Variants in RANBP2 observed in about 807,000 individuals in gnomAD.
The protein encoded by RANBP2 is RAN binding protein 2.
In RANBP2, 57 loss-of-function variants were observed where a neutral mutation model predicts 303.6. That is an observed-to-expected ratio of 0.19 (90% CI 0.15 to 0.23). The LOEUF is 0.23. Ranked by LOEUF, RANBP2 falls within the 10% of genes least tolerant of loss-of-function variation. RANBP2 has a pLI of 1.00. For missense variants in RANBP2, 3,138 were observed against 3,780.8 expected (o/e 0.83, Z 4.46); for synonymous variants, 1,167 against 1,301.5 (o/e 0.90, Z 2.23).
the RANBP2 span, among the ~76,000 whole-genome samples, chr2:109,107,918 T>A: frequency 5.4e-5 from 8 of 149,298 alleles, no homozygotes; most frequent in Non-Finnish European, 1.0e-4. Flanking sequence ...GTATATATAT[T>A]TTTTTGAGAT....
the RANBP2 span, among the ~76,000 whole-genome samples, chr2:109,110,090 A>G: frequency 1.3e-5 from 2 of 152,160 alleles, no homozygotes; most frequent in Non-Finnish European, 2.9e-5. Flanking sequence ...CTTGCTTGAG[A>G]CAAAACGCTG....
the RANBP2 span, among the ~76,000 whole-genome samples, chr2:109,267,232 A>G: frequency 6.6e-6 from 1 of 152,112 alleles, no homozygotes. Flanking sequence ...CTGAATAGGA[A>G]GTGCATGTAA....
At chr2:108,977,485 T>A in the RANBP2 span, among the ~76,000 whole-genome samples, 1 of 152,172 alleles carries the variant, frequency 6.6e-6, no homozygotes, top group Non-Finnish European at 1.5e-5. Context: ...TTCGCCAGGA[T>A]GGTCTCGATC....
chr2:109,191,395 TAC>T, the RANBP2 span, among the ~76,000 whole-genome samples: 3 of 152,198 alleles, frequency 2.0e-5, no homozygotes, highest in Admixed American at 6.5e-5. Flanking sequence ...GTCTCTTGCA[TAC>T]CTACTGTGAA....
At chr2:108,994,852 CAG>C in the RANBP2 span, among the ~76,000 whole-genome samples, 1 of 114,280 alleles carries the variant, frequency 8.8e-6, no homozygotes, top group Admixed American at 1.1e-4. Context: ...TTTTTTGAGA[CAG>C]AGTCTCGCTC....
At chr2:108,751,808 A>G in intron 11 of RANBP2, 63 bp from the exon 12 acceptor site, 3 of 1,611,988 alleles carry the variant, frequency 1.9e-6, no homozygotes, top group African/African-American at 1.3e-5. Flanking sequence ...ATTAACATAT[A>G]TGTATGTAAG....
the RANBP2 span, among the ~76,000 whole-genome samples, chr2:109,386,427 A>C: frequency 6.6e-6 from 1 of 152,164 alleles, no homozygotes; most frequent in Admixed American, 6.5e-5. Context: ...AAAAAAAAAA[A>C]AAAAAACACT....
the RANBP2 span, among the ~76,000 whole-genome samples, chr2:109,480,242 AGCAGGCAAGGC>A: frequency 2.6e-5 from 4 of 152,194 alleles, no homozygotes; most frequent in African/African-American, 7.2e-5. Flanking sequence ...TGATGACCAG[AGCAGGCAAGGC>A]GGCATCTCCC....
the RANBP2 span, among the ~76,000 whole-genome samples, chr2:109,632,125 G>A: frequency 1.3e-5 from 2 of 152,180 alleles, no homozygotes; most frequent in Non-Finnish European, 2.9e-5. Flanking sequence ...CTCCTGGTTG[G>A]TGAACATGTT....
At chr2:109,353,558 C>G in the RANBP2 span, among the ~76,000 whole-genome samples, 1,423 of 152,276 alleles carry the variant, frequency 9.3e-3, 19 homozygotes, top group African/African-American at 0.033. Flanking sequence ...GAAGCCCTAA[C>G]AGTGGAGTGG....
At chr2:109,574,701 A>C in the RANBP2 span, 6 of 1,607,916 alleles carry the variant, frequency 3.7e-6, no homozygotes, top group African/African-American at 2.7e-5. Flanking sequence ...GAGAACGCTT[A>C]ATCTTCAGTT....
chr2:109,065,948 A>AT, the RANBP2 span, among the ~76,000 whole-genome samples: 1 of 151,612 alleles, frequency 6.6e-6, no homozygotes, highest in East Asian at 1.9e-4. Context: ...GCTCTTGTGG[A>AT]TTTTTTTTGA....
At chr2:109,600,024 C>G in the RANBP2 span, among the ~76,000 whole-genome samples, 1 of 152,170 alleles carries the variant, frequency 6.6e-6, no homozygotes, top group Non-Finnish European at 1.5e-5. Context: ...TTGCAGCTTG[C>G]TGACCGTCTC....
the RANBP2 span, among the ~76,000 whole-genome samples, chr2:109,319,481 G>A: frequency 6.6e-6 from 1 of 152,168 alleles, no homozygotes; most frequent in African/African-American, 2.4e-5. Context: ...TTGCACTTCT[G>A]CTGGGGTAGT....
chr2:109,066,869 C>T, the RANBP2 span, among the ~76,000 whole-genome samples: 4 of 152,196 alleles, frequency 2.6e-5, no homozygotes, highest in African/African-American at 7.2e-5. Flanking sequence ...GTTCCAAGAA[C>T]CCCCCAGGAA....
At chr2:109,766,259 C>T in the RANBP2 span, among the ~76,000 whole-genome samples, 5 of 151,170 alleles carry the variant, frequency 3.3e-5, no homozygotes, top group African/African-American at 1.2e-4. Flanking sequence ...GGGGAAGGGG[C>T]TGCTCATCAG....
the RANBP2 span, among the ~76,000 whole-genome samples, chr2:109,663,829 A>C: frequency 6.6e-6 from 1 of 152,222 alleles, no homozygotes; most frequent in African/African-American, 2.4e-5. Flanking sequence ...GCCAGCAAAG[A>C]GAACAGACGT....
the RANBP2 span, among the ~76,000 whole-genome samples, chr2:109,372,448 C>T: frequency 1.3e-5 from 2 of 152,322 alleles, no homozygotes; most frequent in East Asian, 1.9e-4. Context: ...TAACCACCAG[C>T]GTCATCCCAT....
chr2:108,782,457 TAACA>T (rs895004034), intron 27 of RANBP2, 56 bp downstream of exon 27: 53 of 1,613,576 alleles, frequency 3.3e-5, no homozygotes, highest in Non-Finnish European at 3.6e-5. Flanking sequence ...CTAAAATCTA[TAACA>T]AACAAAACAA....
Sources: gnomAD v4.1 joint callset for allele counts (sites outside exome capture counted in the v4.1 genomes callset) on GRCh38, gnomAD v4.1.1 for gene constraint, MANE v1.5 for transcripts, NCBI Gene and HGNC (gene_info 2026-07-23, HGNC 2026-07-21) for gene names.